ODAD2: variants seen among roughly 807,000 people sequenced by gnomAD.
The protein encoded by ODAD2 is outer dynein arm-docking complex subunit 2.
In ODAD2, 89 loss-of-function variants were observed where a neutral mutation model predicts 106.8. The observed-to-expected ratio is 0.83, with a 90% CI of 0.70 to 0.99. The LOEUF is 0.99. ODAD2 is among the 50% of genes least tolerant of loss of function. The probability of loss-of-function intolerance (pLI) is 0.00; values close to 1 mark genes in which losing one functional copy is unlikely to be tolerated. For synonymous variants in ODAD2, 404 were observed against 436.2 expected (o/e 0.93, Z 0.92); for missense variants, 1,168 against 1,238.5 (o/e 0.94, Z 0.85).
In ODAD2 at chr10:27,812,368, C is replaced by A. The variant is rs755843584; in HGVS notation, c.*144G>T. 2.9e-6 allele frequency: 2 copies of A among 689,742 alleles called. No homozygotes were observed. The highest frequency in any genetic ancestry group is 4.7e-6 in the Non-Finnish European group (2 of 426,728). 42.7% of individuals were successfully genotyped at this position (689,742 alleles called of 1,614,324 possible). ...ATGCAATTTTCAGATGAAAAACATT[C>A]TGTGCATTTTCAATTTGTGTGTTTT... On this transcript the variant is annotated 3_prime_UTR_variant, in exon 20 of 20. Coordinates refer to ENST00000305242, the MANE Select transcript of ODAD2 (RefSeq NM_018076.5).
chr10:27,915,674 T>C (rs551893249), intron 16 of ODAD2, among the ~76,000 whole-genome samples: 2 of 152,238 alleles, frequency 1.3e-5, no homozygotes, highest in African/African-American at 2.4e-5. Flanking sequence ...ATTTATAAAA[T>C]GCTAGAAGGA....
chr10:27,947,637 T>A (rs1008196687), intron 10 of ODAD2, among the ~76,000 whole-genome samples: 12 of 152,100 alleles, frequency 7.9e-5, no homozygotes, highest in African/African-American at 2.9e-4. Flanking sequence ...TCCCCAGGAG[T>A]GTCTGAAGTA....
chr10:27,831,875 G>A (rs1306491387), intron 19 of ODAD2, among the ~76,000 whole-genome samples: 1 of 152,182 alleles, frequency 6.6e-6, no homozygotes, highest in Non-Finnish European at 1.5e-5. Flanking sequence ...GGTATATGTG[G>A]CTCCCCTCTC....
chr10:27,884,733 C>G (rs539360393), intron 17 of ODAD2, among the ~76,000 whole-genome samples: 1 of 152,112 alleles, frequency 6.6e-6, no homozygotes, highest in African/African-American at 2.4e-5. Context: ...CACAGAAGTA[C>G]AACTGAATGC....
intron 17 of ODAD2, among the ~76,000 whole-genome samples, chr10:27,902,639 A>G (rs1406958812): frequency 6.6e-6 from 1 of 152,258 alleles, no homozygotes; most frequent in Non-Finnish European, 1.5e-5. Context: ...CCACAGAAAT[A>G]CAAACTACCA....
At chr10:27,852,843 C>A (rs9971114) in intron 19 of ODAD2, among the ~76,000 whole-genome samples, 1 of 151,858 alleles carries the variant, frequency 6.6e-6, no homozygotes, top group African/African-American at 2.4e-5. Context: ...AGCCTGTAAT[C>A]TCAGCTACTC....
chr10:27,950,326 A>T (rs999393334), intron 10 of ODAD2, among the ~76,000 whole-genome samples: 5 of 152,198 alleles, frequency 3.3e-5, no homozygotes, highest in Admixed American at 6.5e-5. Context: ...AGTGGTGTAT[A>T]ACCACGTGAG....
intron 17 of ODAD2, among the ~76,000 whole-genome samples, chr10:27,863,399 G>A (rs1589852402): frequency 6.6e-6 from 1 of 152,096 alleles, no homozygotes; most frequent in African/African-American, 2.4e-5. Flanking sequence ...GCAGAGAATC[G>A]CCTTCTTCAG....
chr10:27,944,199 A>G (rs1460328314), intron 12 of ODAD2, 23 bp downstream of exon 12: 1 of 1,596,672 alleles, frequency 6.3e-7, no homozygotes, highest in Admixed American at 1.7e-5. Flanking sequence ...CTAGATGACG[A>G]TGACAACATC....
intron 16 of ODAD2, among the ~76,000 whole-genome samples, chr10:27,909,432 T>C (rs551834297): frequency 1.6e-4 from 25 of 152,300 alleles, no homozygotes; most frequent in African/African-American, 5.8e-4. Flanking sequence ...ATTAGATCTA[T>C]CATTTACCAT....
At chr10:27,857,757 G>A in intron 19 of ODAD2, among the ~76,000 whole-genome samples, 1 of 152,140 alleles carries the variant, frequency 6.6e-6, no homozygotes, top group East Asian at 1.9e-4. Flanking sequence ...TGCTGTTGAG[G>A]AAATTGTCTA....
chr10:27,907,863 T>C, intron 16 of ODAD2, 86 bp from the exon 17 acceptor site: 1 of 968,732 alleles, frequency 1.0e-6, no homozygotes, highest in South Asian at 1.6e-5. Flanking sequence ...TAATTATTTT[T>C]TCTCCTTTTG....
In ODAD2 at chr10:27,924,012, A is replaced by AAGAAAGAAAGAG. The variant is rs1590035483; in HGVS notation, c.2495+10997_2495+10998insCTCTTTCTTTCT. 2.3e-4 allele frequency among the ~76,000 whole-genome samples: 26 copies of AAGAAAGAAAGAG among 113,280 alleles called. 1 individual carries two copies. The East Asian group carries it at 6.7e-3, about 29-fold the overall frequency. The allele number at this position is 113,280 out of a possible 152,430, so 74.3% of individuals were successfully genotyped here. ...AAAGAAAGAAAGAAAGAAAGAAAGA[A>AAGAAAGAAAGAG]AGAAAGAAAGAAGGAAAGAGAAAGA... On this transcript the variant is annotated intron_variant, in intron 16 of 19. Transcript: ENST00000305242.
chr10:27,984,945 T>C, intron 4 of ODAD2, 74 bp downstream of exon 4: 1 of 889,980 alleles, frequency 1.1e-6, no homozygotes. Context: ...AGTCTTGCTC[T>C]GTCACCCAGG....
At chr10:27,960,872 G>A (rs975579827) in intron 10 of ODAD2, among the ~76,000 whole-genome samples, 13 of 152,092 alleles carry the variant, frequency 8.5e-5, no homozygotes, top group African/African-American at 3.1e-4. Context: ...TTTACACAAG[G>A]CCTAGATATC....
chr10:27,938,453 G>A (rs894545329), intron 14 of ODAD2, among the ~76,000 whole-genome samples: 3 of 152,056 alleles, frequency 2.0e-5, no homozygotes, highest in Non-Finnish European at 2.9e-5. Flanking sequence ...ACTAACTTTG[G>A]TCTGAAACGT....
At chr10:27,950,763 T>C (rs961865308) in intron 10 of ODAD2, among the ~76,000 whole-genome samples, 12 of 152,168 alleles carry the variant, frequency 7.9e-5, no homozygotes, top group Admixed American at 7.9e-4. Flanking sequence ...ATATGCATTC[T>C]TTTTAATTTG....
chr10:27,922,816 G>C (rs1024583960), intron 16 of ODAD2, among the ~76,000 whole-genome samples: 1 of 152,092 alleles, frequency 6.6e-6, no homozygotes, highest in African/African-American at 2.4e-5. Flanking sequence ...TGAGGCAGGA[G>C]AATCATTTGA....
At chr10:27,974,694 T>C (rs891164182) in intron 7 of ODAD2, among the ~76,000 whole-genome samples, 1 of 151,746 alleles carries the variant, frequency 6.6e-6, no homozygotes, top group Non-Finnish European at 1.5e-5. Flanking sequence ...TTTTTGTTTT[T>C]TTTTTTTTTG....
Sources: allele counts gnomAD v4.1 joint callset (sites outside exome capture counted in the v4.1 genomes callset), GRCh38; gene constraint gnomAD v4.1.1; transcripts MANE v1.5; gene names NCBI Gene and HGNC (gene_info 2026-07-23, HGNC 2026-07-21).